ZBTB37: variants seen among roughly 807,000 people sequenced by gnomAD.
ZBTB37 encodes zinc finger and BTB domain containing 37, also known as zinc finger and BTB domain-containing protein 37.
In ZBTB37, 15 loss-of-function variants were observed where a neutral mutation model predicts 37.7. The ratio of observed to expected loss-of-function variants is 0.40; its 90% CI spans 0.27 to 0.61. ZBTB37 has a LOEUF of 0.61. Ranked by LOEUF, ZBTB37 falls within the 20% of genes least tolerant of loss-of-function variation. ZBTB37 has a pLI of 0.44. For synonymous variants in ZBTB37, 231 were observed against 220.6 expected (o/e 1.05, Z -0.42); for missense variants, 514 against 641.9 (o/e 0.80, Z 2.15).
chr1:173,870,798 G>C, exon 3 of ZBTB37: 1 of 1,614,232 alleles, frequency 6.2e-7, no homozygotes, highest in Non-Finnish European at 8.5e-7. Flanking sequence ...GTCCTCCTGA[G>C]GAGTCCACCA....
chr1:173,890,771 C>T (rs1271786375), downstream of ZBTB37: 1 of 152,162 alleles, frequency 6.6e-6, no homozygotes, highest in East Asian at 1.9e-4. Context: ...AATAGGGCCA[C>T]ACTTACTTGT....
At chr1:173,883,170 A>G (rs930840410) in intron 4 of ZBTB37, among the ~76,000 whole-genome samples, 1 of 152,166 alleles carries the variant, frequency 6.6e-6, no homozygotes, top group African/African-American at 2.4e-5. Flanking sequence ...AAAAGTTACC[A>G]TTGTATTTAG....
exon 4 of ZBTB37, chr1:173,894,878 A>G (rs1442852327): frequency 1.3e-5 from 2 of 152,120 alleles, no homozygotes; most frequent in Non-Finnish European, 2.9e-5. Flanking sequence ...ACCATTTATT[A>G]TGTCTACCAT....
At chr1:173,883,383 G>A (rs1033370209) in intron 4 of ZBTB37, among the ~76,000 whole-genome samples, 1 of 152,202 alleles carries the variant, frequency 6.6e-6, no homozygotes, top group Non-Finnish European at 1.5e-5. Context: ...GGAGGCTGAG[G>A]CAGGAGAATT....
In ZBTB37 at chr1:173,896,835, G is replaced by A. The variant is rs377291244; in HGVS notation, c.*10711G>A. ...GAACCACTGAAAAAACAGAATTGCA[G>A]TGCAGGGAACAAAGCTTAAAATGTG... On this transcript the variant is annotated 3_prime_UTR_variant, in exon 4 of 4. Transcript: ENST00000367701. The A allele has an allele frequency of 2.6e-5, 4 of 152,112 alleles. No individual in the cohort carries two copies. In the South Asian group the frequency reaches 8.3e-4, roughly 31 times the overall value. The allele number at this position is 152,112 out of a possible 1,614,324, so 9.4% of individuals were successfully genotyped here.
chr1:173,894,265 T>G (rs2102761340), exon 4 of ZBTB37: 1 of 152,318 alleles, frequency 6.6e-6, no homozygotes, highest in South Asian at 2.1e-4. Flanking sequence ...ATTAAGTAAT[T>G]TTAATTACTT....
exon 4 of ZBTB37, chr1:173,897,956 C>G (rs1657113443): frequency 6.6e-6 from 1 of 152,166 alleles, no homozygotes; most frequent in African/African-American, 2.4e-5. Context: ...TTTTCTCTCT[C>G]TGTCTCCTAC....
downstream of ZBTB37, chr1:173,887,633 G>A (rs942906697): frequency 2.0e-5 from 3 of 152,202 alleles, no homozygotes; most frequent in African/African-American, 7.2e-5. Context: ...ATTAAGGGAT[G>A]CCGGCAAATA....
exon 3 of ZBTB37, chr1:173,871,090 T>C: frequency 6.2e-7 from 1 of 1,613,900 alleles, no homozygotes; most frequent in Non-Finnish European, 8.5e-7. Flanking sequence ...ACAGGAAAAT[T>C]ATACTTTAGG....
chr1:173,886,346 C>G (rs144527009), exon 5 of ZBTB37: 1 of 661,382 alleles, frequency 1.5e-6, no homozygotes, highest in Non-Finnish European at 2.4e-6. Flanking sequence ...TCAAGCAAAT[C>G]AACTTTCTAA....
intron 4 of ZBTB37, among the ~76,000 whole-genome samples, chr1:173,880,616 T>C (rs1207540137): frequency 1.3e-5 from 2 of 152,250 alleles, no homozygotes; most frequent in African/African-American, 4.8e-5. Flanking sequence ...TACAGTCTAA[T>C]AGGTAATTGT....
At position 173,869,582 on chromosome 1, in the gene ZBTB37, G is replaced by C. The variant is rs542948462; in HGVS notation, c.-30+462G>C. On this transcript the variant is annotated intron_variant, in intron 2 of 4. Coordinates refer to ENST00000427304, the Ensembl canonical transcript of ZBTB37. Reference sequence around the variant, plus strand: ...ACTTCACATTCTCTGCATCTTGGTTGAATCCTGGCACAGCTGTGGGATTTT... The same window carrying C: ...ACTTCACATTCTCTGCATCTTGGTTCAATCCTGGCACAGCTGTGGGATTTT... Among the ~76,000 whole-genome samples the C allele has an allele frequency of 3.3e-5, 5 of 152,292 alleles. No individual in the cohort carries two copies. In the South Asian group the frequency reaches 1.0e-3, roughly 32 times the overall value.
rs184317856 is a variant in ZBTB37, at chr1:173,878,870, C to T, written c.1023+5304C>T. On this transcript the variant is annotated intron_variant, in intron 4 of 4. Transcript: ENST00000427304. ...AGGCTGAGATGGGCGGATCACTTGA[C>T]ATCAGGAGTGAGGTTCAAGACAAGC... 2.7e-3 allele frequency among the ~76,000 whole-genome samples: 418 copies of T among 152,126 alleles called. 4 individuals are homozygous for T. Among genetic ancestry groups the T allele is most frequent in the African/African-American group, 9.5e-3 (394 of 41,496 alleles).
exon 4 of ZBTB37, chr1:173,902,270 A>G (rs770432627): frequency 2.6e-5 from 4 of 152,274 alleles, no homozygotes; most frequent in Non-Finnish European, 5.9e-5. Context: ...AAAGGCTACC[A>G]TAATATTTGT....
downstream of ZBTB37, chr1:173,887,029 T>G (rs547468998): frequency 3.2e-4 from 48 of 152,332 alleles, no homozygotes; most frequent in African/African-American, 1.1e-3. Flanking sequence ...CAAAGTTTCA[T>G]CTAGTCTCTT....
At chr1:173,870,511 C>T in exon 3 of ZBTB37, 2 of 1,614,232 alleles carry the variant, frequency 1.2e-6, no homozygotes, top group Non-Finnish European at 1.7e-6. Flanking sequence ...ATGCCTGCAA[C>T]TGGCAGATAT....
At chr1:173,891,195 C>T (rs1171704976), downstream of ZBTB37, 1 of 152,170 alleles carries the variant, frequency 6.6e-6, no homozygotes, top group Non-Finnish European at 1.5e-5. Context: ...TGCCATTCCT[C>T]TGAGTTAACT....
At chr1:173,877,072 T>C (rs1037429997) in intron 4 of ZBTB37, among the ~76,000 whole-genome samples, 2 of 152,222 alleles carry the variant, frequency 1.3e-5, no homozygotes, top group Non-Finnish European at 2.9e-5. Flanking sequence ...TAAATATTTG[T>C]GTATCTAAAC....
At chr1:173,898,753 TTC>T (rs562588327) in exon 4 of ZBTB37, 77 of 152,316 alleles carry the variant, frequency 5.1e-4, no homozygotes, top group African/African-American at 1.7e-3. Context: ...TCAATTTATT[TTC>T]TGTTTGGGGC....
Sources: gnomAD v4.1 joint callset for allele counts (sites outside exome capture counted in the v4.1 genomes callset) on GRCh38, gnomAD v4.1.1 for gene constraint, MANE v1.5 for transcripts, NCBI Gene and HGNC (gene_info 2026-07-23, HGNC 2026-07-21) for gene names.